Variants in MYRIP observed in about 807,000 individuals in gnomAD.
The protein encoded by MYRIP is myosin VIIA and Rab interacting protein.
Under a neutral mutation model 98.0 loss-of-function variants are expected in MYRIP, and 49 were observed. The observed-to-expected ratio is 0.50, with a 90% CI of 0.40 to 0.63. MYRIP has a LOEUF of 0.63. Among genes scored for constraint, MYRIP ranks in the 30% least tolerant of loss-of-function variants. MYRIP has a pLI of 0.00. For missense variants in MYRIP, 1,004 were observed against 1,058.2 expected (o/e 0.95, Z 0.71); for synonymous variants, 404 against 409.5 (o/e 0.99, Z 0.16).
chr3:40,187,160 T>C (rs745415113), intron 9 of MYRIP, among the ~76,000 whole-genome samples: 1 of 152,204 alleles, frequency 6.6e-6, no homozygotes, highest in African/African-American at 2.4e-5. Context: ...TCAACAGATA[T>C]AAGCTAAAAA....
chr3:39,809,343 G>GGTCCCCGCCCCGGGCGCGC (rs1473828373), upstream of MYRIP, among the ~76,000 whole-genome samples: 2 of 150,650 alleles, frequency 1.3e-5, no homozygotes, highest in African/African-American at 2.4e-5. Flanking sequence ...GAGGGGCGCG[G>GGTCCCCGCCCCGGGCGCGC]GTCCCCGCCC....
intron 10 of MYRIP, among the ~76,000 whole-genome samples, chr3:40,205,839 T>G (rs1348515852): frequency 6.6e-6 from 1 of 152,016 alleles, no homozygotes; most frequent in East Asian, 1.9e-4. Context: ...AGCACCCTTA[T>G]TTTCTCTAAA....
chr3:40,159,331 C>T (rs1950322130), intron 4 of MYRIP, among the ~76,000 whole-genome samples: 1 of 152,210 alleles, frequency 6.6e-6, no homozygotes, highest in African/African-American at 2.4e-5. Context: ...CCCCCACTCT[C>T]TTCTGGCTTG....
chr3:40,131,578 C>T (rs925569607), intron 3 of MYRIP, among the ~76,000 whole-genome samples: 2 of 152,134 alleles, frequency 1.3e-5, no homozygotes, highest in Middle Eastern at 3.2e-3. Context: ...ATATGATCTT[C>T]CTTCCTCTTA....
rs755354103 is a variant in MYRIP, at chr3:40,151,106, C to T, written c.391C>T (p.Arg131Cys). 72 of 1,610,448 alleles carry T rather than the reference C, an allele frequency of 4.5e-5. No individual in the cohort carries two copies. In the South Asian group the frequency reaches 5.8e-4, roughly 13 times the overall value. ...FYNNVKSRFKRFGSAKVLKNL... is the reference protein window; with the variant it reads ...FYNNVKSRFKCFGSAKVLKNL... ...CAATAATGTGAAGAGCCGCTTCAAG[C>T]GCTTTGGCAGTGCCAAGGTTCTGAA... The change falls in exon 4 of 17, where the codon CGC (arginine) becomes TGC (cysteine). Residue 131 changes from arginine to cysteine, a missense_variant. By Grantham distance (180) the Arg-to-Cys change is radical. Transcript: ENST00000302541.
At chr3:39,843,242 T>C (rs1369865720) in intron 1 of MYRIP, among the ~76,000 whole-genome samples, 1 of 152,198 alleles carries the variant, frequency 6.6e-6, no homozygotes, top group Admixed American at 6.5e-5. Flanking sequence ...TAGTCACAGT[T>C]TGAAAGACTG....
intron 10 of MYRIP, among the ~76,000 whole-genome samples, chr3:40,195,205 T>C (rs777470959): frequency 6.6e-6 from 1 of 152,252 alleles, no homozygotes; most frequent in Non-Finnish European, 1.5e-5. Context: ...TGATAAATTA[T>C]CTATTCCTAA....
At position 40,151,119 on chromosome 3, in the gene MYRIP, C is replaced by T; in HGVS notation, c.404C>T (p.Ala135Val). Residue 135 changes from alanine to valine, a missense_variant, in exon 4 of 17, where the codon GCC (alanine) becomes GTC (valine). Coordinates refer to ENST00000302541, the MANE Select transcript of MYRIP (RefSeq NM_015460.4). ...AGCCGCTTCAAGCGCTTTGGCAGTG[C>T]CAAGGTTCTGAAGAACCTGTACAGG... ...VKSRFKRFGS[A>V]KVLKNLYRKH... The T allele has an allele frequency of 6.2e-7, 1 of 1,611,166 alleles. No individual in the cohort carries two copies. The highest frequency in any genetic ancestry group is 8.5e-7 in the Non-Finnish European group (1 of 1,178,538).
chr3:39,910,938 T>C (rs970555542), intron 2 of MYRIP, among the ~76,000 whole-genome samples: 1 of 152,216 alleles, frequency 6.6e-6, no homozygotes, highest in Admixed American at 6.5e-5. Context: ...TAGTCAGATA[T>C]TGGCCTTTGC....
At chr3:39,911,068 T>G (rs1944010286) in intron 2 of MYRIP, among the ~76,000 whole-genome samples, 1 of 152,044 alleles carries the variant, frequency 6.6e-6, no homozygotes, top group Non-Finnish European at 1.5e-5. Context: ...TGACAAAGAG[T>G]TTATGCATCT....
chr3:39,947,292 A>G lies in MYRIP; in HGVS notation c.110+46366A>G, dbSNP rs551484680. On this transcript the variant is annotated intron_variant, in intron 2 of 16. Coordinates refer to ENST00000302541, the MANE Select transcript of MYRIP (RefSeq NM_015460.4). ...GAAAACTTGGGGTAATAAAAGAAAGAAATTAAGAAAAGTACAAGCAGAAAT... is the reference window on the plus strand; with the variant it reads ...GAAAACTTGGGGTAATAAAAGAAAGGAATTAAGAAAAGTACAAGCAGAAAT... Among the ~76,000 whole-genome samples, 9 of 152,236 alleles carry G rather than the reference A, an allele frequency of 5.9e-5. No homozygotes were observed. The South Asian group carries it at 1.9e-3, about 32-fold the overall frequency.
At chr3:40,101,803 G>A (rs1489362536) in intron 3 of MYRIP, among the ~76,000 whole-genome samples, 1 of 151,702 alleles carries the variant, frequency 6.6e-6, no homozygotes, top group Admixed American at 6.6e-5. Context: ...TCTTTATTGT[G>A]TTTGTTTTGG....
At position 40,218,645 on chromosome 3, in the gene MYRIP, T is replaced by C. The variant is rs1368235072; in HGVS notation, c.1905+8552T>C. On this transcript the variant is annotated intron_variant, in intron 11 of 16. Coordinates refer to ENST00000302541, the MANE Select transcript of MYRIP (RefSeq NM_015460.4). ...ATATATATATATATATATATATATATATATATATATACATACACACACATA... is the reference window on the plus strand; with the variant it reads ...ATATATATATATATATATATATATACATATATATATACATACACACACATA... Among the ~76,000 whole-genome samples the C allele has an allele frequency of 1.2e-4, 12 of 96,930 alleles. 2 individuals are homozygous for C. The highest frequency in any genetic ancestry group is 5.2e-4 in the East Asian group (2 of 3,834). 63.6% of individuals were successfully genotyped at this position (96,930 alleles called of 152,430 possible).
intron 11 of MYRIP, among the ~76,000 whole-genome samples, chr3:40,218,598 C>CACACACACACACACAT (rs143584008): frequency 7.0e-5 from 1 of 14,220 alleles, no homozygotes; most frequent in African/African-American, 1.2e-4. Context: ...CACACACACA[C>CACACACACACACACAT]ATATATATAT....
rs372471843 is a variant in MYRIP, at chr3:40,098,920, CGTGT to C, written c.333-52111_333-52108del. Among the ~76,000 whole-genome samples the C allele has an allele frequency of 1.5e-4, 19 of 123,578 alleles. No homozygotes were observed. The South Asian group carries it at 3.3e-3, about 21-fold the overall frequency. The allele number at this position is 123,578 out of a possible 152,430, so 81.1% of individuals were successfully genotyped here. A position where few individuals can be genotyped will look rare whatever the true frequency, so the allele number is the denominator to read the frequency against. ...GGGTGTGTGGGTGTGCATGTGTGTGCGTGTGTGTGTGTGTGTGTGTACATTTGAT... is the reference window on the plus strand; with the variant it reads ...GGGTGTGTGGGTGTGCATGTGTGTGCGTGTGTGTGTGTGTGTACATTTGAT... On this transcript the variant is annotated intron_variant, in intron 3 of 16. Coordinates refer to ENST00000302541, the MANE Select transcript of MYRIP (RefSeq NM_015460.4).
chr3:39,813,932 A>G (rs950001762), intron 1 of MYRIP, among the ~76,000 whole-genome samples: 4 of 152,082 alleles, frequency 2.6e-5, no homozygotes, highest in African/African-American at 9.7e-5. Flanking sequence ...CTTTTTTTAC[A>G]TGTGTTGATA....
intron 2 of MYRIP, among the ~76,000 whole-genome samples, chr3:39,975,003 C>T (rs1434293340): frequency 1.3e-5 from 2 of 152,176 alleles, no homozygotes; most frequent in Non-Finnish European, 2.9e-5. Flanking sequence ...GATGCCCTCT[C>T]CCACCATTCC....
intron 16 of MYRIP, among the ~76,000 whole-genome samples, chr3:40,256,739 A>C (rs887598297): frequency 8.5e-5 from 13 of 152,292 alleles, no homozygotes; most frequent in South Asian, 4.1e-4. Context: ...CCTTTCAAAA[A>C]CATTCTGTGG....
intron 3 of MYRIP, among the ~76,000 whole-genome samples, chr3:40,117,407 C>G (rs181323372): frequency 6.6e-6 from 1 of 152,116 alleles, no homozygotes; most frequent in Admixed American, 6.6e-5. Context: ...AAAGCTCTTG[C>G]CCTCTGTAGC....
Sources: gnomAD v4.1 joint callset for allele counts (sites outside exome capture counted in the v4.1 genomes callset) on GRCh38, gnomAD v4.1.1 for gene constraint, MANE v1.5 for transcripts, NCBI Gene and HGNC (gene_info 2026-07-23, HGNC 2026-07-21) for gene names.